The following CREBBP variants were observed in gnomAD, a reference collection of about 807,000 sequenced individuals.
CREBBP encodes CREB-binding protein.
In CREBBP, 19 loss-of-function variants were observed where a neutral mutation model predicts 265.0. The observed-to-expected ratio is 0.07, with a 90% CI of 0.05 to 0.11. CREBBP has a LOEUF of 0.11. CREBBP is among the 10% of genes least tolerant of loss of function. CREBBP has a pLI of 1.00. For missense variants in CREBBP, 2,525 were observed against 3,219.0 expected, an observed-to-expected ratio of 0.78 and a Z score of 5.22; for synonymous variants, 1,457 against 1,223.7, an observed-to-expected ratio of 1.19 and a Z score of -3.98.
At chr16:3,754,892 A>G (rs745991022) in intron 19 of CREBBP, among the ~76,000 whole-genome samples, 14 of 152,210 alleles carry the variant, frequency 9.2e-5, no homozygotes, top group Non-Finnish European at 1.5e-4. Flanking sequence ...GTGTTCATAA[A>G]TAGTCAAAGT....
rs1340926528 is a variant in CREBBP, at chr16:3,727,503, C to T, written c.*215G>A. On this transcript the variant is annotated 3_prime_UTR_variant, in exon 31 of 31. Transcript: ENST00000262367. ...AAAAAAAGAACCCCCCCCACCCCCC[C>T]GCCAAAAAAAAACCAAAGAGAGAGA... is the stretch of plus-strand genomic sequence containing the variant. 1.4e-5 allele frequency: 2 copies of T among 140,638 alleles called. No individual in the cohort carries two copies. The highest frequency in any genetic ancestry group is 2.8e-5 in the Non-Finnish European group (2 of 72,428). The allele number at this position is 140,638 out of a possible 1,614,324, so 8.7% of individuals were successfully genotyped here.
intron 2 of CREBBP, among the ~76,000 whole-genome samples, chr16:3,847,393 G>T (rs752253084): frequency 6.6e-6 from 1 of 152,054 alleles, no homozygotes; most frequent in African/African-American, 2.4e-5. Context: ...CTCTGCTATC[G>T]TAAGGTTCTA....
At chr16:3,799,131 G>A (rs1377514302) in intron 3 of CREBBP, among the ~76,000 whole-genome samples, 1 of 152,186 alleles carries the variant, frequency 6.6e-6, no homozygotes, top group Non-Finnish European at 1.5e-5. Context: ...TACATCCATG[G>A]GGGTAGAAAG....
At chr16:3,735,992 C>A (rs753836747) in intron 28 of CREBBP, 44 bp downstream of exon 28, 1 of 1,614,104 alleles carries the variant, frequency 6.2e-7, no homozygotes, top group East Asian at 2.2e-5. Context: ...CCCTGCAGCT[C>A]CAGCGGGACA....
intron 2 of CREBBP, among the ~76,000 whole-genome samples, chr16:3,839,818 G>C (rs2054531250): frequency 1.3e-5 from 2 of 149,000 alleles, no homozygotes; most frequent in African/African-American, 5.0e-5. Context: ...AAGAAAGAAA[G>C]GAAAGAAAGA....
chr16:3,852,117 T>C (rs1174366176), intron 1 of CREBBP, among the ~76,000 whole-genome samples: 2 of 132,082 alleles, frequency 1.5e-5, no homozygotes, highest in Non-Finnish European at 3.1e-5. Context: ...TTGACTTAGA[T>C]GAACAGCAAT....
intron 1 of CREBBP, among the ~76,000 whole-genome samples, chr16:3,871,881 CA>C (rs1178135875): frequency 1.3e-5 from 2 of 152,238 alleles, no homozygotes; most frequent in Non-Finnish European, 2.9e-5. Flanking sequence ...ATAGTACAGG[CA>C]TATTAGAAAG....
At position 3,778,157 on chromosome 16, in the gene CREBBP, T is replaced by C; in HGVS notation, c.1967A>G (p.Glu656Gly). Residue 656 changes from glutamate (E) to glycine (G), a missense_variant, in exon 10 of 31, where the codon GAG becomes GGG. Physicochemically the swap from Glu to Gly is moderately conservative, Grantham distance 98. This residue lies in a region of CREBBP where 29 missense variants were observed against 99.9 expected (regional missense o/e 0.29). Coordinates refer to ENST00000262367, the MANE Select transcript of CREBBP (RefSeq NM_004380.3). ...TTCTTTTTGTATCTTGTAGATTTTC[T>C]CTGCTAATAAGTGATAATATTCATC... Reference protein sequence around the residue: ...SRDEYYHLLAEKIYKIQKELE... With the variant: ...SRDEYYHLLAGKIYKIQKELE... 6 of 1,611,798 alleles carry C rather than the reference T, an allele frequency of 3.7e-6. No individual in the cohort carries two copies. Among genetic ancestry groups the C allele is most frequent in the Non-Finnish European group, 5.1e-6 (6 of 1,177,824 alleles).
intron 2 of CREBBP, among the ~76,000 whole-genome samples, chr16:3,814,596 G>A (rs889488288): frequency 2.0e-5 from 3 of 152,090 alleles, no homozygotes; most frequent in African/African-American, 7.2e-5. Context: ...GTGTTTGGAA[G>A]CGCTCTGACA....
chr16:3,856,682 A>G (rs1027022704), intron 1 of CREBBP, among the ~76,000 whole-genome samples: 5 of 152,236 alleles, frequency 3.3e-5, no homozygotes. Flanking sequence ...AACTTCATCT[A>G]AACCAGGAAC....
intron 23 of CREBBP, chr16:3,740,779 G>A: frequency 6.7e-6 from 4 of 593,098 alleles, no homozygotes; most frequent in Non-Finnish European, 1.2e-5. Context: ...ACGTGCCCAG[G>A]TAACCTGCAT....
intron 23 of CREBBP, among the ~76,000 whole-genome samples, chr16:3,744,340 C>G (rs1008375614): frequency 6.6e-6 from 1 of 152,222 alleles, no homozygotes; most frequent in South Asian, 2.1e-4. Flanking sequence ...CAACATTACA[C>G]CACACATGCA....
intron 3 of CREBBP, among the ~76,000 whole-genome samples, chr16:3,794,790 A>T (rs1165070338): frequency 6.6e-6 from 1 of 152,236 alleles, no homozygotes; most frequent in Non-Finnish European, 1.5e-5. Context: ...TTACTGAAAA[A>T]GACTTAGGCA....
chr16:3,832,647 T>A lies in CREBBP; in HGVS notation c.798+17650A>T, dbSNP rs529654821. ...TAACAAAATTGTAAGTATTTGTGTA[T>A]CTAAACATAGAAAAGGCACAGTAAA... On this transcript the variant is annotated intron_variant, in intron 2 of 30. Transcript: ENST00000262367. 1.4e-4 allele frequency among the ~76,000 whole-genome samples: 21 copies of A among 152,322 alleles called. No homozygotes were observed. The Middle Eastern group carries it at 0.01, about 74-fold the overall frequency.
chr16:3,731,116 G>C lies in CREBBP; in HGVS notation c.5172+76C>G, dbSNP rs986707055. ...CCATCAGGTACAGACACCAACCCGG[G>C]CACCCATGCAAAGGGACAGGATGCT... On this transcript the variant is annotated intron_variant, in intron 30 of 30. Transcript: ENST00000262367. This position sits in a 1 kb window ranked among gnomAD's most constrained non-coding sequence, Gnocchi z 7.7. 6.7e-7 allele frequency: 1 copy of C among 1,490,330 alleles called. No individual in the cohort carries two copies. Among genetic ancestry groups the C allele is most frequent in the East Asian group, 2.3e-5 (1 of 44,110 alleles). 92.3% of individuals were successfully genotyped at this position (1,490,330 alleles called of 1,614,324 possible).
chr16:3,777,711 T>A, intron 10 of CREBBP, 54 bp from the exon 11 acceptor site: 2 of 1,597,434 alleles, frequency 1.3e-6, no homozygotes, highest in Admixed American at 1.7e-5. Flanking sequence ...TTTAATATAA[T>A]CCTTGATTCA....
rs2055498225 is a variant in CREBBP at position 3,880,080 on chromosome 16, G to A, written c.-164C>T. On this transcript the variant is annotated 5_prime_UTR_variant, in exon 1 of 31. Transcript: ENST00000262367. Reference sequence around the variant, plus strand: ...GGGAGGGCGCAGGCCGGGTGGGGGAGGCGGCGGCCAAATCTCAGCCACAGC... The same window carrying A: ...GGGAGGGCGCAGGCCGGGTGGGGGAAGCGGCGGCCAAATCTCAGCCACAGC... 8.7e-6 allele frequency: 3 copies of A among 344,212 alleles called. No individual in the cohort carries two copies. The highest frequency in any genetic ancestry group is 1.5e-5 in the Non-Finnish European group (3 of 206,742). 21.3% of individuals were successfully genotyped at this position (344,212 alleles called of 1,614,324 possible).
intron 2 of CREBBP, among the ~76,000 whole-genome samples, chr16:3,838,749 C>T (rs561906250): frequency 6.6e-6 from 1 of 152,126 alleles, no homozygotes; most frequent in Non-Finnish European, 1.5e-5. Flanking sequence ...GGATTTTGAT[C>T]TGTTGCCCGG....
chr16:3,823,930 G>A (rs1380314466), intron 2 of CREBBP, among the ~76,000 whole-genome samples: 1 of 150,628 alleles, frequency 6.6e-6, no homozygotes, highest in Non-Finnish European at 1.5e-5. Flanking sequence ...TTATCTTTAG[G>A]ACACTGGAAG....
Sources: allele counts gnomAD v4.1 joint callset (sites outside exome capture counted in the v4.1 genomes callset), GRCh38; gene constraint gnomAD v4.1.1; regional missense constraint gnomAD v4.1.1; non-coding constraint Gnocchi (gnomAD v3.1); transcripts MANE v1.5; gene names NCBI Gene and HGNC (gene_info 2026-07-23, HGNC 2026-07-21).